The following LAPTM5 variants were observed in gnomAD, a reference collection of about 807,000 sequenced individuals.
LAPTM5 encodes lysosomal protein transmembrane 5.
LAPTM5 carries 11 observed loss-of-function variants against 30.1 expected under a neutral mutation model. That is an observed-to-expected ratio of 0.37 (90% CI 0.23 to 0.60). The LOEUF (loss-of-function observed/expected upper bound fraction) is 0.60, where lower values mean the gene tolerates loss of function less well. Ranked by LOEUF, LAPTM5 falls within the 20% of genes least tolerant of loss-of-function variation. The pLI, the probability that LAPTM5 is intolerant of heterozygous loss-of-function variation, is 0.71. For missense variants in LAPTM5, 324 were observed against 332.5 expected (o/e 0.97, Z 0.20); for synonymous variants, 151 against 137.9 (o/e 1.10, Z -0.67).
rs549381418 is a variant in LAPTM5 at position 30,742,931 on chromosome 1, G to A, written c.88-382C>T. On this transcript the variant is annotated intron_variant, in intron 1 of 7. Coordinates refer to ENST00000294507, the MANE Select transcript of LAPTM5 (RefSeq NM_006762.3). ...AGAGTGGTAACTGTTACTACTGAAG[G>A]TCAGGCTTAAAGAGGTGGGGTGGGG... is the stretch of plus-strand genomic sequence containing the variant. Among the ~76,000 whole-genome samples the A allele has an allele frequency of 1.8e-4, 28 of 152,238 alleles. No homozygotes were observed. In the South Asian group the frequency reaches 5.6e-3, roughly 30 times the overall value.
intron 1 of LAPTM5, among the ~76,000 whole-genome samples, chr1:30,749,937 G>A (rs372636176): frequency 1.8e-4 from 27 of 152,250 alleles, no homozygotes; most frequent in African/African-American, 5.5e-4. Flanking sequence ...GGGCCTCTGG[G>A]GTTAGAGAGA....
Position 30,756,327 on chromosome 1 carries a change from A to G in LAPTM5, c.87+1332T>C, listed in dbSNP as rs529507329. Among the ~76,000 whole-genome samples, 4 of 152,344 alleles carry G rather than the reference A, an allele frequency of 2.6e-5. No individual in the cohort carries two copies. The South Asian group carries it at 8.3e-4, about 32-fold the overall frequency. On this transcript the variant is annotated intron_variant, in intron 1 of 7. Coordinates refer to ENST00000294507, the MANE Select transcript of LAPTM5 (RefSeq NM_006762.3). The stretch of plus-strand genomic sequence containing the variant: ...CCCAAAACTAGAGTCCTTGAATCTG[A>G]CAACTTGACTCCAAGGATGCTGACA...
At chr1:30,756,259 T>C (rs758503863) in intron 1 of LAPTM5, among the ~76,000 whole-genome samples, 2 of 152,220 alleles carry the variant, frequency 1.3e-5, no homozygotes, top group Non-Finnish European at 2.9e-5. Flanking sequence ...TCTCAGCTCT[T>C]GCATTGGCAG....
Position 30,733,846 on chromosome 1 carries a change from G to C in LAPTM5, c.771C>G (p.Pro257=). The change falls in exon 8 of 8, where the codon CCC becomes CCG. Residue 257 remains proline (P), a synonymous_variant. Transcript: ENST00000294507. ...GCGAGGGTCACACCTCTGAGTATGG[G>C]GGTGGTGCTGGGCCCCCCTCTGGGG... ...SKTPEGGPAP[P]PYSEV 6.2e-7 allele frequency: 1 copy of C among 1,608,834 alleles called. No individual in the cohort carries two copies. The highest frequency in any genetic ancestry group is 1.1e-5 in the South Asian group (1 of 90,688).
chr1:30,749,219 C>T (rs571135263), intron 1 of LAPTM5, among the ~76,000 whole-genome samples: 15 of 152,316 alleles, frequency 9.8e-5, no homozygotes, highest in South Asian at 6.2e-4. Flanking sequence ...CCAAACATAA[C>T]GTTGGGAGAA....
At chr1:30,734,289 G>A (rs964671657) in intron 7 of LAPTM5, among the ~76,000 whole-genome samples, 2 of 152,188 alleles carry the variant, frequency 1.3e-5, no homozygotes, top group African/African-American at 4.8e-5. Context: ...TATAGTCCTT[G>A]GTTTGGGGAT....
intron 7 of LAPTM5, 70 bp downstream of exon 7, chr1:30,735,103 G>T: frequency 9.5e-7 from 1 of 1,050,342 alleles, no homozygotes. Flanking sequence ...TCCAGAGAGG[G>T]AAGGAAACTT....
chr1:30,732,870 A>T lies in LAPTM5; in HGVS notation c.*958T>A, dbSNP rs1318820819. 1 of 152,278 alleles carries T rather than the reference A, an allele frequency of 6.6e-6. No homozygotes were observed. Among genetic ancestry groups the T allele is most frequent in the Non-Finnish European group, 1.5e-5 (1 of 68,090 alleles). The allele number at this position is 152,278 out of a possible 1,614,324, so 9.4% of individuals were successfully genotyped here. A position where few individuals can be genotyped will look rare whatever the true frequency, so the allele number is the denominator to read the frequency against. Reference sequence around the variant, plus strand: ...ATTCGCCTATGACTGAATCGACTGAATGGATGGCCAGCGACAGCCTGGCCT... The same window carrying T: ...ATTCGCCTATGACTGAATCGACTGATTGGATGGCCAGCGACAGCCTGGCCT... On this transcript the variant is annotated 3_prime_UTR_variant, in exon 8 of 8. Transcript: ENST00000294507.
At chr1:30,752,012 A>C (rs1209260258) in intron 1 of LAPTM5, among the ~76,000 whole-genome samples, 5 of 152,220 alleles carry the variant, frequency 3.3e-5, no homozygotes, top group Non-Finnish European at 5.9e-5. Context: ...AAAGAGCCCC[A>C]GGAGTTCTAA....
chr1:30,753,220 T>C (rs1453082758), intron 1 of LAPTM5, among the ~76,000 whole-genome samples: 2 of 152,178 alleles, frequency 1.3e-5, no homozygotes, highest in Admixed American at 6.5e-5. Flanking sequence ...TATAATAAAC[T>C]GGGAGTACAG....
At chr1:30,749,408 T>C (rs762777420) in intron 1 of LAPTM5, among the ~76,000 whole-genome samples, 4 of 152,166 alleles carry the variant, frequency 2.6e-5, no homozygotes, top group South Asian at 2.1e-4. Context: ...GGAGGTCACA[T>C]GGGTGTGTTC....
At chr1:30,756,411 G>A (rs934957226) in intron 1 of LAPTM5, among the ~76,000 whole-genome samples, 1 of 152,168 alleles carries the variant, frequency 6.6e-6, no homozygotes, top group African/African-American at 2.4e-5. Context: ...CGTCAGGCGT[G>A]GTTCTGCATG....
At position 30,733,936 on chromosome 1, in the gene LAPTM5, T is replaced by C; in HGVS notation, c.700-19A>G. The C allele has an allele frequency of 1.2e-6, 2 of 1,608,316 alleles. No homozygotes were observed. The highest frequency in any genetic ancestry group is 1.1e-5 in the South Asian group (1 of 90,378). ...GGACCACCTGGGAGAGACAGAGAGATGAGGGCTGAGTATGGTCAAGAATGA... is the reference window on the plus strand; with the variant it reads ...GGACCACCTGGGAGAGACAGAGAGACGAGGGCTGAGTATGGTCAAGAATGA... On this transcript the variant is annotated intron_variant, in intron 7 of 7. Coordinates refer to ENST00000294507, the MANE Select transcript of LAPTM5 (RefSeq NM_006762.3).
chr1:30,747,862 G>A (rs1245447528), intron 1 of LAPTM5, among the ~76,000 whole-genome samples: 1 of 152,178 alleles, frequency 6.6e-6, no homozygotes, highest in East Asian at 1.9e-4. Flanking sequence ...CTGTTGGGAT[G>A]TTGTTGGAGT....
chr1:30,752,684 G>GC lies in LAPTM5; in HGVS notation c.87+4974dup, dbSNP rs554040759. ...TCGTCGGTTTTTCCTTGGCAGACTG[G>GC]CCCCTCAAGGGCAGAGGCCGTGAAT... On this transcript the variant is annotated intron_variant, in intron 1 of 7. Transcript: ENST00000294507. Among the ~76,000 whole-genome samples, 36 of 152,340 alleles carry GC rather than the reference G, an allele frequency of 2.4e-4. No individual in the cohort carries two copies. In the South Asian group the frequency reaches 7.2e-3, roughly 31 times the overall value.
In LAPTM5 at chr1:30,757,615, C is replaced by T. The variant is rs1640230248; in HGVS notation, c.87+44G>A. On this transcript the variant is annotated intron_variant, in intron 1 of 7. Coordinates refer to ENST00000294507, the MANE Select transcript of LAPTM5 (RefSeq NM_006762.3). ...ACGGGTCACCGCAGACATTCACACT[C>T]ACACAAGCACGCACGCACACACACC... 11 of 1,591,194 alleles carry T rather than the reference C, an allele frequency of 6.9e-6. 1 individual carries two copies. The highest frequency in any genetic ancestry group is 6.7e-5 in the South Asian group (6 of 88,930).
At chr1:30,749,654 G>T (rs1640101965) in intron 1 of LAPTM5, among the ~76,000 whole-genome samples, 3 of 152,154 alleles carry the variant, frequency 2.0e-5, no homozygotes, top group Admixed American at 2.0e-4. Context: ...AACACCCAGA[G>T]CTCAGGGTCC....
chr1:30,749,197 C>T (rs1474917727), intron 1 of LAPTM5, among the ~76,000 whole-genome samples: 1 of 152,260 alleles, frequency 6.6e-6, no homozygotes, highest in East Asian at 1.9e-4. Context: ...CGCAACCACA[C>T]AGACGAAGCT....
In LAPTM5 at chr1:30,739,133, A is replaced by G; in HGVS notation, c.388-71T>C. 2 of 1,530,312 alleles carry G rather than the reference A, an allele frequency of 1.3e-6. No homozygotes were observed. Among genetic ancestry groups the G allele is most frequent in the Non-Finnish European group, 1.8e-6 (2 of 1,133,130 alleles). The allele number at this position is 1,530,312 out of a possible 1,614,324, so 94.8% of individuals were successfully genotyped here. A position where few individuals can be genotyped will look rare whatever the true frequency, so the allele number is the denominator to read the frequency against. The stretch of plus-strand genomic sequence containing the variant: ...AAGTCCCAGTTACTGAGCGGCACAT[A>G]GTAGGCCCTCACTTGAGAGACCGTC... On this transcript the variant is annotated intron_variant, in intron 4 of 7. Coordinates refer to ENST00000294507, the MANE Select transcript of LAPTM5 (RefSeq NM_006762.3). The surrounding 1 kb of genome is among the most constrained non-coding windows in gnomAD (Gnocchi z 4.2).
Sources: gnomAD v4.1 joint callset for allele counts (sites outside exome capture counted in the v4.1 genomes callset) on GRCh38, gnomAD v4.1.1 for gene constraint, Gnocchi (gnomAD v3.1) non-coding constraint, MANE v1.5 for transcripts, NCBI Gene and HGNC (gene_info 2026-07-23, HGNC 2026-07-21) for gene names.